Variants in SND1 observed in about 807,000 individuals in gnomAD.
SND1 encodes the protein staphylococcal nuclease domain-containing protein 1.
Under a neutral mutation model 121.7 loss-of-function variants are expected in SND1, and 38 were observed. The ratio of observed to expected loss-of-function variants is 0.31; its 90% CI spans 0.24 to 0.41. The LOEUF is 0.41. SND1 is among the 10% of genes least tolerant of loss of function. The pLI is 1.00. For missense variants in SND1, 868 were observed against 1,184.6 expected, an observed-to-expected ratio of 0.73 and a Z score of 3.92; for synonymous variants, 401 against 447.4, an observed-to-expected ratio of 0.90 and a Z score of 1.31.
intron 11 of SND1, among the ~76,000 whole-genome samples, chr7:127,831,821 AT>A (rs1798746546): frequency 6.6e-6 from 1 of 152,116 alleles, no homozygotes; most frequent in South Asian, 2.1e-4. Context: ...ACTTAATCAA[AT>A]TTTTCCCCTT....
At chr7:128,002,404 T>G (rs1802857862) in intron 16 of SND1, among the ~76,000 whole-genome samples, 1 of 152,236 alleles carries the variant, frequency 6.6e-6, no homozygotes, top group Admixed American at 6.5e-5. Flanking sequence ...CTCTGATTCC[T>G]CATGGTCCCA....
At chr7:127,660,766 T>G (rs1456261370) in intron 1 of SND1, among the ~76,000 whole-genome samples, 1 of 152,202 alleles carries the variant, frequency 6.6e-6, no homozygotes, top group Non-Finnish European at 1.5e-5. Flanking sequence ...TTCTTTACTT[T>G]TGAGTTTATT....
chr7:127,742,571 A>G (rs1381552907), intron 10 of SND1, among the ~76,000 whole-genome samples: 1 of 148,562 alleles, frequency 6.7e-6, no homozygotes, highest in Non-Finnish European at 1.5e-5. Context: ...CTAATAGGGT[A>G]GAAGATATGG....
intron 16 of SND1, among the ~76,000 whole-genome samples, chr7:128,035,379 A>T (rs1020170734): frequency 6.6e-6 from 1 of 152,248 alleles, no homozygotes; most frequent in Non-Finnish European, 1.5e-5. Flanking sequence ...TCTTCATTTA[A>T]TCTAGAGATC....
At chr7:127,954,162 C>T (rs1003693787) in intron 15 of SND1, among the ~76,000 whole-genome samples, 1 of 152,144 alleles carries the variant, frequency 6.6e-6, no homozygotes, top group East Asian at 1.9e-4. Context: ...TTCCTTCCTT[C>T]CCCCCTTACT....
At chr7:127,782,736 T>C (rs2116522598) in intron 10 of SND1, among the ~76,000 whole-genome samples, 1 of 152,300 alleles carries the variant, frequency 6.6e-6, no homozygotes, top group South Asian at 2.1e-4. Context: ...TGATTGTGGG[T>C]TGGGCACACT....
chr7:128,076,936 G>A (rs557554683), intron 17 of SND1, among the ~76,000 whole-genome samples: 10 of 152,168 alleles, frequency 6.6e-5, no homozygotes, highest in South Asian at 2.1e-4. Flanking sequence ...TGAAGAGGCC[G>A]ATAGGGCTCT....
At chr7:127,705,449 G>A (rs976497434) in intron 8 of SND1, among the ~76,000 whole-genome samples, 2 of 152,226 alleles carry the variant, frequency 1.3e-5, no homozygotes, top group African/African-American at 4.8e-5. Context: ...ATAACTCTGA[G>A]ACGTTATTGG....
intron 16 of SND1, among the ~76,000 whole-genome samples, chr7:127,992,490 T>A (rs568597371): frequency 2.0e-3 from 300 of 152,220 alleles, no homozygotes; most frequent in Middle Eastern, 0.01. Flanking sequence ...AGCAGGTGAG[T>A]CTGTTCAAAT....
At chr7:127,677,021 C>T (rs1007152164) in intron 1 of SND1, among the ~76,000 whole-genome samples, 1 of 152,204 alleles carries the variant, frequency 6.6e-6, no homozygotes, top group Non-Finnish European at 1.5e-5. Flanking sequence ...GGATTACAGG[C>T]GTGAGCCACT....
intron 10 of SND1, among the ~76,000 whole-genome samples, chr7:127,749,251 C>T (rs1450448647): frequency 3.3e-5 from 5 of 152,114 alleles, no homozygotes; most frequent in Admixed American, 6.5e-5. Flanking sequence ...TCTTGAACTC[C>T]TGGGCTCAAG....
intron 3 of SND1, 85 bp downstream of exon 3, chr7:127,695,033 G>C: frequency 6.5e-7 from 1 of 1,528,080 alleles, no homozygotes; most frequent in Non-Finnish European, 8.9e-7. Flanking sequence ...GCCAGTGTGG[G>C]TTCTGGTGGA....
chr7:127,728,487 T>A (rs180681709), intron 10 of SND1, among the ~76,000 whole-genome samples: 26 of 152,372 alleles, frequency 1.7e-4, no homozygotes, highest in African/African-American at 6.0e-4. Context: ...GAGCATTTAC[T>A]GTACTTGCTG....
chr7:128,030,637 TCATGGTGTGGCACGTTCATAATTCAC>T (rs754968709), intron 16 of SND1: 3 of 1,556,840 alleles, frequency 1.9e-6, no homozygotes, highest in Non-Finnish European at 2.6e-6. Context: ...CACAAGAGCT[TCATGGTGTGGCACGTTCATAATTCAC>T]CATCGCCTGG....
intron 16 of SND1, among the ~76,000 whole-genome samples, chr7:128,054,763 A>G (rs1451900019): frequency 6.6e-6 from 1 of 152,108 alleles, no homozygotes; most frequent in Non-Finnish European, 1.5e-5. Context: ...GTGACCTACA[A>G]TCATTTCCCA....
intron 12 of SND1, among the ~76,000 whole-genome samples, chr7:127,861,574 A>G (rs1336013557): frequency 6.6e-6 from 1 of 152,138 alleles, no homozygotes; most frequent in Non-Finnish European, 1.5e-5. Context: ...TCCCAGGTTT[A>G]AGTGATTCTC....
At chr7:128,037,005 G>A (rs78187202) in intron 16 of SND1, among the ~76,000 whole-genome samples, 1,936 of 152,282 alleles carry the variant, frequency 0.013, 24 homozygotes, top group Non-Finnish European at 0.015. Flanking sequence ...TGTGAGATGG[G>A]TACCATCAGA....
At chr7:127,873,793 A>G (rs1050446433) in intron 12 of SND1, among the ~76,000 whole-genome samples, 2 of 152,174 alleles carry the variant, frequency 1.3e-5, no homozygotes, top group African/African-American at 4.8e-5. Context: ...CTATAGGCAC[A>G]TGCCACCACA....
intron 10 of SND1, among the ~76,000 whole-genome samples, chr7:127,723,764 A>G (rs1471967723): frequency 6.6e-6 from 1 of 152,256 alleles, no homozygotes; most frequent in Admixed American, 6.5e-5. Flanking sequence ...TGAGCCACAC[A>G]TGTGAGCTCT....
Sources: gnomAD v4.1 joint callset for allele counts (sites outside exome capture counted in the v4.1 genomes callset) on GRCh38, gnomAD v4.1.1 for gene constraint, MANE v1.5 for transcripts, NCBI Gene and HGNC (gene_info 2026-07-23, HGNC 2026-07-21) for gene names.